Variants in GPR176 observed in about 807,000 individuals in gnomAD.
GPR176 encodes G protein-coupled receptor 176, also known as G-protein coupled receptor 176.
GPR176 carries 26 observed loss-of-function variants against 35.4 expected under a neutral mutation model. That is an observed-to-expected ratio of 0.74 (90% CI 0.54 to 1.02). The LOEUF (loss-of-function observed/expected upper bound fraction) is 1.02. Among genes scored for constraint, GPR176 ranks in the 50% least tolerant of loss-of-function variants. GPR176 has a pLI of 0.00. For synonymous variants in GPR176, 278 were observed against 271.3 expected (o/e 1.02, Z -0.24); for missense variants, 597 against 665.3 (o/e 0.90, Z 1.13).
intron 1 of GPR176, among the ~76,000 whole-genome samples, chr15:39,835,845 A>C (rs1485470563): frequency 6.6e-6 from 1 of 152,142 alleles, no homozygotes; most frequent in Non-Finnish European, 1.5e-5. Flanking sequence ...TGTAATCCCC[A>C]GCATTCTGGG....
intron 1 of GPR176, among the ~76,000 whole-genome samples, chr15:39,917,688 T>C (rs1022654280): frequency 6.6e-6 from 1 of 152,026 alleles, no homozygotes; most frequent in Non-Finnish European, 1.5e-5. Context: ...TGGGTTTTTT[T>C]CTGCATATAA....
intron 2 of GPR176, among the ~76,000 whole-genome samples, chr15:39,804,051 C>T (rs1899049077): frequency 6.6e-6 from 1 of 152,166 alleles, no homozygotes; most frequent in African/African-American, 2.4e-5. Flanking sequence ...GTGATGGCCC[C>T]ACCTGTACAC....
chr15:39,907,692 ATCT>A (rs1434039636), intron 1 of GPR176, among the ~76,000 whole-genome samples: 1 of 152,190 alleles, frequency 6.6e-6, no homozygotes, highest in Non-Finnish European at 1.5e-5. Context: ...TGAGTTCATC[ATCT>A]TCTGGGGGGC....
At chr15:39,813,485 T>C (rs1003534938) in intron 1 of GPR176, 7 of 152,248 alleles carry the variant, frequency 4.6e-5, no homozygotes, top group Non-Finnish European at 7.3e-5. Context: ...TATCACTCCA[T>C]TGTCTTCTGG....
At chr15:39,819,794 T>C (rs1378449938) in intron 1 of GPR176, among the ~76,000 whole-genome samples, 1 of 152,170 alleles carries the variant, frequency 6.6e-6, no homozygotes, top group Admixed American at 6.5e-5. Context: ...AAGGGTACGA[T>C]AATTAGAGGA....
At chr15:39,820,612 GTATC>G (rs1418465681) in intron 1 of GPR176, among the ~76,000 whole-genome samples, 4 of 152,160 alleles carry the variant, frequency 2.6e-5, no homozygotes, top group Non-Finnish European at 5.9e-5. Context: ...TTCTAGCAGA[GTATC>G]TATGATTCCT....
intron 1 of GPR176, among the ~76,000 whole-genome samples, chr15:39,858,953 G>A (rs956220418): frequency 3.9e-5 from 6 of 151,926 alleles, no homozygotes; most frequent in African/African-American, 1.5e-4. Context: ...CACCATGTTG[G>A]CCAGGCTGAT....
chr15:39,811,726 C>A lies in GPR176; in HGVS notation c.173-4468G>T, dbSNP rs184977441. On this transcript the variant is annotated intron_variant, in intron 1 of 2. Transcript: ENST00000561100. ...GGTCAGGAGATCAAGACCATCCTGG[C>A]GAACATGGTGAAACCCCGTCTCTAC... 2.7e-3 allele frequency among the ~76,000 whole-genome samples: 405 copies of A among 152,136 alleles called. 4 individuals are homozygous for A. The highest frequency in any genetic ancestry group is 0.01 in the Middle Eastern group (3 of 294).
intron 1 of GPR176, among the ~76,000 whole-genome samples, chr15:39,878,746 G>A (rs74008983): frequency 9.2e-5 from 14 of 152,260 alleles, no homozygotes; most frequent in Non-Finnish European, 1.5e-4. Context: ...ATTCATACCA[G>A]TGTACGAGGT....
intron 1 of GPR176, among the ~76,000 whole-genome samples, chr15:39,842,001 C>T (rs1178949271): frequency 2.6e-5 from 4 of 152,100 alleles, no homozygotes; most frequent in Non-Finnish European, 5.9e-5. Flanking sequence ...GAGGGGGCCC[C>T]TTTTGAGCTC....
At chr15:39,870,159 T>C (rs2031990191) in intron 1 of GPR176, among the ~76,000 whole-genome samples, 1 of 152,142 alleles carries the variant, frequency 6.6e-6, no homozygotes, top group African/African-American at 2.4e-5. Flanking sequence ...TCACATCTCC[T>C]CCTTCTGTAG....
In GPR176 at chr15:39,889,674, T is replaced by C. The variant is rs189926376; in HGVS notation, c.172+30181A>G. ...CTAACTGTCCCAAATATGAGAACGC[T>C]AGGGTCCCAAGGAGGTGAAATTGCA... is the stretch of plus-strand genomic sequence containing the variant. On this transcript the variant is annotated intron_variant, in intron 1 of 2. Transcript: ENST00000561100. Among the ~76,000 whole-genome samples the C allele has an allele frequency of 3.2e-3, 487 of 152,228 alleles. 3 individuals carry two copies. Among genetic ancestry groups the C allele is most frequent in the Non-Finnish European group, 4.9e-3 (336 of 68,018 alleles).
chr15:39,902,550 G>A (rs2140871970), intron 1 of GPR176, among the ~76,000 whole-genome samples: 1 of 152,292 alleles, frequency 6.6e-6, no homozygotes, highest in African/African-American at 2.4e-5. Context: ...CTTGGGAGCA[G>A]GCCACAGAAA....
intron 1 of GPR176, among the ~76,000 whole-genome samples, chr15:39,855,026 G>A (rs932940280): frequency 6.6e-5 from 10 of 151,040 alleles, no homozygotes; most frequent in Non-Finnish European, 1.5e-4. Flanking sequence ...ACTCCAGCCT[G>A]GGTAACAGAG....
At chr15:39,872,205 T>C (rs1361218910) in intron 1 of GPR176, among the ~76,000 whole-genome samples, 1 of 152,116 alleles carries the variant, frequency 6.6e-6, no homozygotes, top group Non-Finnish European at 1.5e-5. Context: ...ATAAACAACA[T>C]TGTAGGAGAA....
In GPR176 at chr15:39,801,026, TCA is replaced by T; in HGVS notation, c.*104_*105del. ...TCTGGCCCATATTGGAGGAATCAAC[TCA>T]CACTGAGTTGCAAGGAGATCATACA... On this transcript the variant is annotated 3_prime_UTR_variant, in exon 3 of 3. Coordinates refer to ENST00000561100, the MANE Select transcript of GPR176 (RefSeq NM_007223.3). 1.1e-6 allele frequency: 1 copy of T among 948,028 alleles called. No homozygotes were observed. The highest frequency in any genetic ancestry group is 1.6e-6 in the Non-Finnish European group (1 of 620,498). The allele number at this position is 948,028 out of a possible 1,614,324, so 58.7% of individuals were successfully genotyped here.
intron 1 of GPR176, among the ~76,000 whole-genome samples, chr15:39,818,575 C>T (rs1374029208): frequency 6.6e-6 from 1 of 152,186 alleles, no homozygotes; most frequent in Non-Finnish European, 1.5e-5. Flanking sequence ...TCCTGTGAGG[C>T]CACACAATGG....
In GPR176 at chr15:39,811,573, A is replaced by C. The variant is rs141986466; in HGVS notation, c.173-4315T>G. On this transcript the variant is annotated intron_variant, in intron 1 of 2. Transcript: ENST00000561100. Reference sequence around the variant, plus strand: ...AGCACCTCAAATCCAAAAATCCAAAATCCAAAATGCTTCAATGAGCATTTC... The same window carrying C: ...AGCACCTCAAATCCAAAAATCCAAACTCCAAAATGCTTCAATGAGCATTTC... 4.9e-4 allele frequency among the ~76,000 whole-genome samples: 74 copies of C among 152,270 alleles called. No homozygotes were observed. In the East Asian group the frequency reaches 0.012, roughly 25 times the overall value.
At chr15:39,842,434 C>T (rs2030074196) in intron 1 of GPR176, among the ~76,000 whole-genome samples, 1 of 152,152 alleles carries the variant, frequency 6.6e-6, no homozygotes, top group Admixed American at 6.5e-5. Context: ...CCTCCTCCAA[C>T]ACTGGGATTA....
Sources: allele counts gnomAD v4.1 joint callset (sites outside exome capture counted in the v4.1 genomes callset), GRCh38; gene constraint gnomAD v4.1.1; transcripts MANE v1.5; gene names NCBI Gene and HGNC (gene_info 2026-07-23, HGNC 2026-07-21).